The following NAA16 variants were observed in gnomAD, a reference collection of about 807,000 sequenced individuals.
The protein encoded by NAA16 is N-alpha-acetyltransferase 16, NatA auxiliary subunit.
Under a neutral mutation model 110.3 loss-of-function variants are expected in NAA16, and 97 were observed. The observed-to-expected ratio is 0.88, with a 90% confidence interval of 0.75 to 1.04. The LOEUF (loss-of-function observed/expected upper bound fraction) is 1.04, where lower values mean the gene tolerates loss of function less well. Among genes scored for constraint, NAA16 ranks in the 50% least tolerant of loss-of-function variants. The probability of loss-of-function intolerance (pLI) is 0.00; values close to 1 mark genes in which losing one functional copy is unlikely to be tolerated. For missense variants in NAA16, 1,017 were observed against 1,005.1 expected (o/e 1.01, Z -0.16); for synonymous variants, 372 against 330.6 (o/e 1.13, Z -1.36).
At chr13:41,322,766 A>G (rs771165308) in intron 4 of NAA16, among the ~76,000 whole-genome samples, 16 of 152,148 alleles carry the variant, frequency 1.1e-4, no homozygotes, top group Non-Finnish European at 1.8e-4. Context: ...CTTACAGAAT[A>G]TTTAGTTACC....
At chr13:41,367,807 A>G (rs1297690551) in intron 14 of NAA16, among the ~76,000 whole-genome samples, 155 bp downstream of exon 14, 1 of 152,254 alleles carries the variant, frequency 6.6e-6, no homozygotes, top group Non-Finnish European at 1.5e-5. Context: ...AATGTTGCAG[A>G]GAGAGTTAAA....
chr13:41,332,935 TG>T (rs2042279104), intron 8 of NAA16, among the ~76,000 whole-genome samples: 1 of 152,180 alleles, frequency 6.6e-6, no homozygotes, highest in Non-Finnish European at 1.5e-5. Context: ...TCCATTTTTT[TG>T]GTTTTGTTTT....
intron 13 of NAA16, among the ~76,000 whole-genome samples, chr13:41,365,708 G>T (rs1322706611): frequency 1.3e-5 from 2 of 152,122 alleles, no homozygotes; most frequent in Non-Finnish European, 2.9e-5. Context: ...AGGATAAGTT[G>T]GTCACCCAAT....
rs377250394 is a variant in NAA16, at chr13:41,320,675, G to A, written c.253G>A (p.Val85Ile). 1.9e-6 allele frequency: 3 copies of A among 1,607,356 alleles called. No individual in the cohort carries two copies. The highest frequency in any genetic ancestry group is 2.7e-5 in the African/African-American group (2 of 74,728). The change falls in exon 4 of 20, where the codon GTA (valine) becomes ATA (isoleucine). Residue 85 changes from valine to isoleucine, a missense_variant. Physicochemically the swap from Val to Ile is conservative, Grantham distance 29. Coordinates refer to ENST00000379406, the MANE Select transcript of NAA16 (RefSeq NM_024561.5). The part of the protein sequence containing the change: ...NDVKSHVCWH[V>I]YGLLQRSDKK... ...TTTCCTTAACTTAATAGGTTGGCAT[G>A]TATATGGACTCTTGCAGCGTTCTGA... is the stretch of plus-strand genomic sequence containing the variant.
chr13:41,356,326 A>G (rs2042983739), intron 10 of NAA16, among the ~76,000 whole-genome samples: 2 of 152,160 alleles, frequency 1.3e-5, no homozygotes, highest in South Asian at 2.1e-4. Context: ...CACACCCTCT[A>G]TGAGTTTTTT....
In NAA16 at chr13:41,369,927, T is replaced by G. The variant is rs143064996; in HGVS notation, c.1947+644T>G. On this transcript the variant is annotated intron_variant, in intron 15 of 19. Transcript: ENST00000379406. The stretch of plus-strand genomic sequence containing the variant: ...GAACTATAACATAATAAGTGTGTTG[T>G]TTTAAGTCAATAAATATTTGGTAAT... Among the ~76,000 whole-genome samples, 97 of 152,332 alleles carry G rather than the reference T, an allele frequency of 6.4e-4. 1 individual carries two copies. Among genetic ancestry groups the G allele is most frequent in the Admixed American group, 2.7e-3 (42 of 15,300 alleles).
intron 2 of NAA16, among the ~76,000 whole-genome samples, chr13:41,318,392 G>A (rs188634165): frequency 7.4e-4 from 112 of 152,102 alleles, no homozygotes; most frequent in Middle Eastern, 3.4e-3. Flanking sequence ...AGTAGAGACG[G>A]GGTTTTGCTG....
At position 41,332,010 on chromosome 13, in the gene NAA16, A is replaced by G. The variant is rs913791902; in HGVS notation, c.907+641A>G. Among the ~76,000 whole-genome samples the G allele has an allele frequency of 7.9e-5, 12 of 152,158 alleles. No individual in the cohort carries two copies. The East Asian group carries it at 9.6e-4, about 12-fold the overall frequency. On this transcript the variant is annotated intron_variant, in intron 8 of 19. Coordinates refer to ENST00000379406, the MANE Select transcript of NAA16 (RefSeq NM_024561.5). ...GGTAAATTCCCTATAATTAGTGACA[A>G]ATTATATGTGGTATCATGATTTGAG... is the stretch of plus-strand genomic sequence containing the variant.
At chr13:41,321,317 C>A (rs1362706365) in intron 4 of NAA16, among the ~76,000 whole-genome samples, 1 of 152,172 alleles carries the variant, frequency 6.6e-6, no homozygotes, top group Middle Eastern at 3.4e-3. Flanking sequence ...ACAAAAAAAA[C>A]TGGTTTTTAA....
Position 41,325,951 on chromosome 13 carries a change from G to A in NAA16, c.691+100G>A, listed in dbSNP as rs570125427. On this transcript the variant is annotated intron_variant, in intron 6 of 19. Coordinates refer to ENST00000379406, the MANE Select transcript of NAA16 (RefSeq NM_024561.5). ...CTTACGTAACAGTTGTTATGTATCT[G>A]GCAAGGTTCCAAACACGATTATTAA... 17 of 934,100 alleles carry A rather than the reference G, an allele frequency of 1.8e-5. No individual in the cohort carries two copies. In the Admixed American group the frequency reaches 4.8e-4, roughly 26 times the overall value. 57.9% of individuals were successfully genotyped at this position (934,100 alleles called of 1,614,324 possible).
intron 1 of NAA16, among the ~76,000 whole-genome samples, chr13:41,316,305 A>ATT (rs993030515): frequency 8.0e-4 from 83 of 103,894 alleles, no homozygotes; most frequent in Admixed American, 2.2e-3. Flanking sequence ...AATTTTTGTA[A>ATT]TTTTTTTTTT....
chr13:41,321,549 T>G (rs1457226445), intron 4 of NAA16, among the ~76,000 whole-genome samples: 2 of 152,240 alleles, frequency 1.3e-5, no homozygotes, highest in Non-Finnish European at 2.9e-5. Context: ...TTTACAAATT[T>G]GATAAACTAA....
At chr13:41,326,708 T>TA (rs2042101618) in intron 6 of NAA16, among the ~76,000 whole-genome samples, 1 of 151,860 alleles carries the variant, frequency 6.6e-6, no homozygotes, top group African/African-American at 2.4e-5. Context: ...TCAGAGCCCT[T>TA]ACTTTTTTCT....
intron 13 of NAA16, 58 bp from the exon 14 acceptor site, chr13:41,367,381 A>G: frequency 8.1e-7 from 1 of 1,230,972 alleles, no homozygotes; most frequent in Non-Finnish European, 1.1e-6. Context: ...TTTTTTTTCT[A>G]AAGGTAGACA....
At chr13:41,364,001 T>C (rs1400405588) in intron 13 of NAA16, among the ~76,000 whole-genome samples, 1 of 152,170 alleles carries the variant, frequency 6.6e-6, no homozygotes, top group African/African-American at 2.4e-5. Context: ...GTTGATGGAA[T>C]GATTAATGCT....
rs1183196207 is a variant in NAA16 at position 41,372,782 on chromosome 13, A to C, written c.2107A>C (p.Ser703Arg). Residue 703 changes from serine (S) to arginine (R), a missense_variant, in exon 17 of 20, where the codon AGT (serine) becomes CGT (arginine). Ser to Arg is a moderately radical substitution (Grantham distance 110). Coordinates refer to ENST00000379406, the MANE Select transcript of NAA16 (RefSeq NM_024561.5). ...QSVKRAFAINSNNPWLHECLI... is the reference protein window; with the variant it reads ...QSVKRAFAINRNNPWLHECLI... ...TGTCAAACGAGCTTTTGCCATTAAC[A>C]GTAATAACCCATGGTTACATGAATG... is the stretch of plus-strand genomic sequence containing the variant. 1 of 1,603,342 alleles carries C rather than the reference A, an allele frequency of 6.2e-7. No individual in the cohort carries two copies. The highest frequency in any genetic ancestry group is 1.3e-5 in the African/African-American group (1 of 74,734).
In NAA16 at chr13:41,374,816, A is replaced by G. The variant is rs1437563481; in HGVS notation, c.2374A>G (p.Thr792Ala). 1.2e-6 allele frequency: 2 copies of G among 1,608,978 alleles called. No homozygotes were observed. The highest frequency in any genetic ancestry group is 1.7e-6 in the Non-Finnish European group (2 of 1,177,470). ...TGCTATAGCCACTAGACTAGATGAA[A>G]CTATAAAAGATAAAGATGTAAAGGT... is the stretch of plus-strand genomic sequence containing the variant. ...AIAIATRLDE[T>A]IKDKDVKTLI... Residue 792 changes from threonine (T) to alanine (A), a missense_variant, in exon 19 of 20, where the codon ACT becomes GCT. Coordinates refer to ENST00000379406, the MANE Select transcript of NAA16 (RefSeq NM_024561.5).
chr13:41,365,907 A>C (rs2043198838), intron 13 of NAA16, among the ~76,000 whole-genome samples: 1 of 152,208 alleles, frequency 6.6e-6, no homozygotes, highest in South Asian at 2.1e-4. Flanking sequence ...ACCTAAAAGA[A>C]TGTCCTGTAA....
intron 10 of NAA16, among the ~76,000 whole-genome samples, chr13:41,357,330 C>T (rs2043012286): frequency 6.6e-6 from 1 of 152,096 alleles, no homozygotes; most frequent in Non-Finnish European, 1.5e-5. Flanking sequence ...CCTCATTGGC[C>T]TCTCAGCAAT....
Sources: allele counts gnomAD v4.1 joint callset (sites outside exome capture counted in the v4.1 genomes callset), GRCh38; gene constraint gnomAD v4.1.1; transcripts MANE v1.5; gene names NCBI Gene and HGNC (gene_info 2026-07-23, HGNC 2026-07-21).